RASGEF1C: variants seen among roughly 807,000 people sequenced by gnomAD.
RASGEF1C encodes the protein ras-GEF domain-containing family member 1C.
Under a neutral mutation model 58.1 loss-of-function variants are expected in RASGEF1C, and 27 were observed. That is an observed-to-expected ratio of 0.46 (90% CI 0.34 to 0.64). The LOEUF is 0.64. RASGEF1C is among the 30% of genes least tolerant of loss of function. The pLI, the probability that RASGEF1C is intolerant of heterozygous loss-of-function variation, is 0.01. For synonymous variants in RASGEF1C, 243 were observed against 246.3 expected (o/e 0.99, Z 0.13); for missense variants, 502 against 605.1 (o/e 0.83, Z 1.79).
intron 1 of RASGEF1C, among the ~76,000 whole-genome samples, chr5:180,153,299 C>T (rs1338196940): frequency 6.6e-6 from 1 of 152,166 alleles, no homozygotes; most frequent in Admixed American, 6.5e-5. Context: ...TATGGCCCAC[C>T]CTGGCTCCCA....
rs1582270659 is a variant in RASGEF1C at position 180,128,491 on chromosome 5, T to C, written c.558A>G (p.Pro186=). The part of the protein sequence containing the change: ...ADKPISYRTK[P]PASIHRELLG... ...GGAGCTCCCTGTGGATGGAGGCTGG[T>C]GGCTTGGTCCTGTAGGAGATGGGCT... Residue 186 remains proline, a synonymous_variant, in exon 5 of 14, where the codon CCA becomes CCG. Coordinates refer to ENST00000361132, the MANE Select transcript of RASGEF1C (RefSeq NM_175062.4). 6.2e-7 allele frequency: 1 copy of C among 1,614,030 alleles called. No individual in the cohort carries two copies. Among genetic ancestry groups the C allele is most frequent in the Non-Finnish European group, 8.5e-7 (1 of 1,180,012 alleles).
At chr5:180,106,700 TGG>T (rs1765879232) in intron 12 of RASGEF1C, among the ~76,000 whole-genome samples, 1 of 152,224 alleles carries the variant, frequency 6.6e-6, no homozygotes, top group Non-Finnish European at 1.5e-5. Context: ...TGGTATATTT[TGG>T]TCTATATTCT....
rs1389320551 is a variant in RASGEF1C, at chr5:180,137,021, A to T, written c.301-506T>A. 2.6e-5 allele frequency among the ~76,000 whole-genome samples: 4 copies of T among 152,170 alleles called. No homozygotes were observed. Among genetic ancestry groups the T allele is most frequent in the African/African-American group, 9.7e-5 (4 of 41,442 alleles). On this transcript the variant is annotated intron_variant, in intron 3 of 13. Coordinates refer to ENST00000361132, the MANE Select transcript of RASGEF1C (RefSeq NM_175062.4). The surrounding 1 kb of genome is among the most constrained non-coding windows in gnomAD (Gnocchi z 4.1). ...GGTGGAGGCGGCCAAGCGCCACACC[A>T]GCCAGCCCGAGGGAGGCCAGCCCCG...
At chr5:180,118,925 G>A (rs1040313113) in intron 8 of RASGEF1C, 59 bp from the exon 9 acceptor site, 154 of 1,506,660 alleles carry the variant, frequency 1.0e-4, no homozygotes, top group Non-Finnish European at 8.9e-5. Flanking sequence ...CCTCTGCGTA[G>A]CTGCACCCCC....
At chr5:180,131,120 A>G (rs759197125) in intron 4 of RASGEF1C, among the ~76,000 whole-genome samples, 60 of 152,036 alleles carry the variant, frequency 3.9e-4, no homozygotes, top group Non-Finnish European at 7.6e-4. Context: ...AATGCCCCCA[A>G]TGCATCCACG....
At chr5:180,204,313 T>C (rs1756452969) in intron 1 of RASGEF1C, among the ~76,000 whole-genome samples, 1 of 152,234 alleles carries the variant, frequency 6.6e-6, no homozygotes, top group Admixed American at 6.5e-5. Flanking sequence ...GTGGGACTGT[T>C]GGGTCATATG....
At chr5:180,110,053 G>A (rs553312261) in intron 12 of RASGEF1C, among the ~76,000 whole-genome samples, 1 of 152,208 alleles carries the variant, frequency 6.6e-6, no homozygotes, top group Non-Finnish European at 1.5e-5. Flanking sequence ...GGAAACTCAC[G>A]CACTAGTGTG....
intron 1 of RASGEF1C, among the ~76,000 whole-genome samples, chr5:180,148,067 G>A (rs1397634836): frequency 6.6e-6 from 1 of 152,086 alleles, no homozygotes; most frequent in Non-Finnish European, 1.5e-5. Flanking sequence ...AAGTCTTCTT[G>A]CTATATTAAA....
intron 10 of RASGEF1C, chr5:180,115,180 A>C: frequency 3.0e-6 from 1 of 338,230 alleles, no homozygotes; most frequent in South Asian, 2.3e-5. Context: ...ACGCCCGGCT[A>C]GTTTTTGTAT....
chr5:180,113,095 CTG>C lies in RASGEF1C; in HGVS notation c.1179+1349_1179+1350del, dbSNP rs1232972531. 2.9e-4 allele frequency among the ~76,000 whole-genome samples: 26 copies of C among 91,162 alleles called. 1 individual carries two copies. The highest frequency in any genetic ancestry group is 7.6e-3 in the Middle Eastern group (1 of 132). The allele number at this position is 91,162 out of a possible 152,430, so 59.8% of individuals were successfully genotyped here. On this transcript the variant is annotated intron_variant, in intron 11 of 13. Transcript: ENST00000361132. ...GAGGGACCGGGGATGGACAGAGGGACTGGGGATGGACGGAGGGACCGGGGATG... is the reference window on the plus strand; with the variant it reads ...GAGGGACCGGGGATGGACAGAGGGACGGGATGGACGGAGGGACCGGGGATG...
chr5:180,181,599 C>T (rs1304673964), intron 1 of RASGEF1C, among the ~76,000 whole-genome samples: 1 of 152,110 alleles, frequency 6.6e-6, no homozygotes, highest in African/African-American at 2.4e-5. Flanking sequence ...CGGCTTCAAG[C>T]CAAGGAATGC....
intron 1 of RASGEF1C, among the ~76,000 whole-genome samples, chr5:180,159,194 C>G (rs1163939452): frequency 1.3e-5 from 2 of 150,786 alleles, no homozygotes; most frequent in African/African-American, 4.9e-5. Context: ...GGCTGGAGTG[C>G]AACGGCGCGA....
intron 5 of RASGEF1C, among the ~76,000 whole-genome samples, chr5:180,127,888 G>T (rs904338765): frequency 1.3e-5 from 2 of 152,180 alleles, no homozygotes; most frequent in Admixed American, 6.5e-5. Flanking sequence ...CTCCTTTCCC[G>T]GTTCATGGGG....
intron 12 of RASGEF1C, among the ~76,000 whole-genome samples, chr5:180,103,313 G>A (rs1166470123): frequency 2.6e-5 from 4 of 152,282 alleles, no homozygotes; most frequent in South Asian, 2.1e-4. Context: ...TCCTGACCTT[G>A]TGATCCGCCC....
At position 180,158,613 on chromosome 5, in the gene RASGEF1C, G is replaced by A. The variant is rs373570665; in HGVS notation, c.-6-20555C>T. Among the ~76,000 whole-genome samples the A allele has an allele frequency of 7.1e-4, 108 of 152,266 alleles. No homozygotes were observed. The highest frequency in any genetic ancestry group is 2.5e-3 in the African/African-American group (104 of 41,550). On this transcript the variant is annotated intron_variant, in intron 1 of 13. Transcript: ENST00000361132. This position sits in a 1 kb window ranked among gnomAD's most constrained non-coding sequence, Gnocchi z 4.0. ...CTGTCATGCTGGTTTGCCTGGGACT[G>A]TCCTAGTTTTAGTACTGAAAATCCC...
chr5:180,117,914 A>G (rs1482127448), intron 10 of RASGEF1C, among the ~76,000 whole-genome samples: 1 of 150,530 alleles, frequency 6.6e-6, no homozygotes, highest in Non-Finnish European at 1.5e-5. Flanking sequence ...AAATCGCTTG[A>G]ACCCAGGAGG....
At chr5:180,207,016 GT>G (rs1285407473) in intron 1 of RASGEF1C, among the ~76,000 whole-genome samples, 1 of 152,118 alleles carries the variant, frequency 6.6e-6, no homozygotes, top group Non-Finnish European at 1.5e-5. Flanking sequence ...TAAACCATGT[GT>G]TTTACGTATT....
At chr5:180,134,157 G>A (rs972869611) in intron 4 of RASGEF1C, among the ~76,000 whole-genome samples, 2 of 152,136 alleles carry the variant, frequency 1.3e-5, no homozygotes, top group Admixed American at 6.5e-5. Flanking sequence ...CCACAGCAGC[G>A]CCCAGTGAGG....
intron 1 of RASGEF1C, among the ~76,000 whole-genome samples, chr5:180,139,030 A>G (rs542486227): frequency 1.3e-5 from 2 of 152,230 alleles, no homozygotes; most frequent in African/African-American, 4.8e-5. Context: ...GGCACAGGGA[A>G]AGGCCAGCTG....
Sources: gnomAD v4.1 joint callset for allele counts (sites outside exome capture counted in the v4.1 genomes callset) on GRCh38, gnomAD v4.1.1 for gene constraint, Gnocchi (gnomAD v3.1) non-coding constraint, MANE v1.5 for transcripts, NCBI Gene and HGNC (gene_info 2026-07-23, HGNC 2026-07-21) for gene names.